TMEM182: variants seen among roughly 807,000 people sequenced by gnomAD.
TMEM182 encodes the protein transmembrane protein 182.
TMEM182 carries 20 observed loss-of-function variants against 26.8 expected under a neutral mutation model. That is an observed-to-expected ratio of 0.75 (90% confidence interval 0.53 to 1.09). The LOEUF (loss-of-function observed/expected upper bound fraction) is 1.09, where lower values mean the gene tolerates loss of function less well. TMEM182 is among the 50% of genes least tolerant of loss of function. The pLI is 0.00. For missense variants in TMEM182, 277 were observed against 275.5 expected (o/e 1.01, Z -0.04); for synonymous variants, 109 against 102.2 (o/e 1.07, Z -0.40).
chr2:102,803,272 C>T (rs1231030113), intron 4 of TMEM182, among the ~76,000 whole-genome samples: 1 of 152,186 alleles, frequency 6.6e-6, no homozygotes, highest in Non-Finnish European at 1.5e-5. Flanking sequence ...ATGAGCAGGG[C>T]TGATTGGGAT....
At chr2:102,744,949 A>G (rs776507242) in intron 1 of TMEM182, among the ~76,000 whole-genome samples, 4 of 152,112 alleles carry the variant, frequency 2.6e-5, no homozygotes, top group Non-Finnish European at 5.9e-5. Flanking sequence ...TTTGATGTCT[A>G]TCTATAATTC....
rs546942200 is a variant in TMEM182, at chr2:102,777,651, T to C, written c.331+13224T>C. Among the ~76,000 whole-genome samples, 218 of 152,220 alleles carry C rather than the reference T, an allele frequency of 1.4e-3. 2 individuals carry two copies. Among genetic ancestry groups the C allele is most frequent in the African/African-American group, 5.1e-3 (212 of 41,592 alleles). On this transcript the variant is annotated intron_variant, in intron 3 of 4. Transcript: ENST00000412401. ...ATATGCTGAATTTACTTATTAGTTC[T>C]AGAAATTTCTGGAGATTTTTGGAGA...
chr2:102,794,691 G>A (rs1681795406), intron 3 of TMEM182, among the ~76,000 whole-genome samples: 1 of 152,106 alleles, frequency 6.6e-6, no homozygotes, highest in African/African-American at 2.4e-5. Flanking sequence ...TATGTTTTAT[G>A]TAATGATTTT....
At chr2:102,762,494 A>G in intron 1 of TMEM182, 93 bp from the exon 2 acceptor site, 2 of 1,531,266 alleles carry the variant, frequency 1.3e-6, no homozygotes, top group South Asian at 1.2e-5. Context: ...ATTATTTGGG[A>G]TAAAATACAT....
chr2:102,778,686 A>G (rs1032891896), intron 3 of TMEM182, among the ~76,000 whole-genome samples: 2 of 127,176 alleles, frequency 1.6e-5, no homozygotes, highest in South Asian at 2.9e-4. Context: ...CGGTTTAGCT[A>G]TTACATCATA....
At chr2:102,753,201 C>CCT (rs1553436425) in intron 1 of TMEM182, among the ~76,000 whole-genome samples, 1 of 81,594 alleles carries the variant, frequency 1.2e-5, no homozygotes, top group African/African-American at 5.4e-5. Flanking sequence ...GCTTCCCCCC[C>CCT]CCACTGCCTT....
intron 3 of TMEM182, among the ~76,000 whole-genome samples, chr2:102,833,087 G>T (rs944189749): frequency 6.6e-6 from 1 of 152,266 alleles, no homozygotes; most frequent in East Asian, 1.9e-4. Flanking sequence ...TGCCTTTGCC[G>T]TGGTTTACAC....
intron 4 of TMEM182, among the ~76,000 whole-genome samples, chr2:102,806,622 A>G (rs1416786231): frequency 1.3e-5 from 2 of 152,200 alleles, no homozygotes; most frequent in East Asian, 3.8e-4. Flanking sequence ...TCAGAGAGTA[A>G]CATTTGCTAA....
chr2:102,834,461 A>G (rs2104777993), intron 3 of TMEM182: 1 of 985,214 alleles, frequency 1.0e-6, no homozygotes, highest in Non-Finnish European at 1.2e-6. Flanking sequence ...AACGTCTGCC[A>G]GTGCCCCATG....
chr2:102,798,037 G>T, intron 4 of TMEM182, 37 bp downstream of exon 4: 8 of 1,570,982 alleles, frequency 5.1e-6, no homozygotes, highest in South Asian at 1.2e-5. Flanking sequence ...TTCAGCCACG[G>T]TTTTTCTTCA....
At position 102,762,179 on chromosome 2, in the gene TMEM182, A is replaced by T. The variant is rs185595389; in HGVS notation, c.-39A>T. 1.0e-3 allele frequency: 1,573 copies of T among 1,539,490 alleles called. No homozygotes were observed. Among genetic ancestry groups the T allele is most frequent in the Non-Finnish European group, 1.2e-3 (1,350 of 1,128,416 alleles). On this transcript the variant is annotated 5_prime_UTR_variant, in exon 1 of 5. Transcript: ENST00000412401. ...AAACTAGGTGTCTTACCATTTTAAA[A>T]TTTCATATTTTATTTAAAAGGAAAC...
At chr2:102,763,905 A>G (rs867927396) in intron 2 of TMEM182, among the ~76,000 whole-genome samples, 4 of 152,332 alleles carry the variant, frequency 2.6e-5, no homozygotes, top group Admixed American at 6.5e-5. Flanking sequence ...TAAAATGGAT[A>G]TAGAAGAATT....
In TMEM182 at chr2:102,786,261, C is replaced by T. The variant is rs1381315123; in HGVS notation, c.332-11602C>T. Among the ~76,000 whole-genome samples, 4 of 134,004 alleles carry T rather than the reference C, an allele frequency of 3.0e-5. No homozygotes were observed. The East Asian group carries it at 6.5e-4, about 22-fold the overall frequency. The allele number at this position is 134,004 out of a possible 152,430, so 87.9% of individuals were successfully genotyped here. ...ACAGAGTCTTACTCTGTCGCCCAGG[C>T]GGGAATGCAGTGGTGTGATCTCAGC... is the stretch of plus-strand genomic sequence containing the variant. On this transcript the variant is annotated intron_variant, in intron 3 of 4. Transcript: ENST00000412401.
At chr2:102,821,382 A>C (rs577952542), downstream of TMEM182, among the ~76,000 whole-genome samples, 159 of 152,084 alleles carry the variant, frequency 1.0e-3, no homozygotes, top group Non-Finnish European at 1.7e-3. Flanking sequence ...TATCCTTGCC[A>C]TACTGAGTGA....
chr2:102,779,256 T>C (rs1681056116), intron 3 of TMEM182, among the ~76,000 whole-genome samples: 1 of 152,230 alleles, frequency 6.6e-6, no homozygotes, highest in Non-Finnish European at 1.5e-5. Flanking sequence ...AGGATTTTTC[T>C]TTGCCTTTAG....
chr2:102,817,864 T>C (rs186805032), downstream of TMEM182, among the ~76,000 whole-genome samples: 6 of 152,316 alleles, frequency 3.9e-5, no homozygotes, highest in Admixed American at 3.3e-4. Context: ...ATCAGTTATC[T>C]TTGGGAACAG....
At chr2:102,738,973 A>T (rs573707678) in intron 1 of TMEM182, among the ~76,000 whole-genome samples, 10 of 152,354 alleles carry the variant, frequency 6.6e-5, no homozygotes, top group Admixed American at 5.9e-4. Context: ...AATATATTCC[A>T]CGAAGAGGCC....
chr2:102,804,886 C>T (rs554165622), intron 4 of TMEM182, among the ~76,000 whole-genome samples: 12 of 152,352 alleles, frequency 7.9e-5, no homozygotes, highest in Admixed American at 5.2e-4. Flanking sequence ...AGACTAGTTA[C>T]ACTCATATTT....
At chr2:102,812,398 C>G (rs1682587528) in intron 4 of TMEM182, among the ~76,000 whole-genome samples, 1 of 144,552 alleles carries the variant, frequency 6.9e-6, no homozygotes, top group Non-Finnish European at 1.5e-5. Flanking sequence ...CACACACACA[C>G]ACACACACAC....
Sources: allele counts gnomAD v4.1 joint callset (sites outside exome capture counted in the v4.1 genomes callset), GRCh38; gene constraint gnomAD v4.1.1; transcripts MANE v1.5; gene names NCBI Gene and HGNC (gene_info 2026-07-23, HGNC 2026-07-21).